Variants in ACAP2 observed in about 807,000 individuals in gnomAD.
ACAP2 encodes the protein arf-GAP with coiled-coil, ANK repeat and PH domain-containing protein 2.
A neutral mutation model predicts 115.8 loss-of-function variants in ACAP2; 39 were observed. The ratio of observed to expected loss-of-function variants is 0.34; its 90% CI spans 0.26 to 0.44. ACAP2 has a LOEUF of 0.44. Ranked by LOEUF, ACAP2 falls within the 20% of genes least tolerant of loss-of-function variation. ACAP2 has a pLI of 1.00. For synonymous variants in ACAP2, 289 were observed against 315.8 expected, an observed-to-expected ratio of 0.92 and a Z score of 0.90; for missense variants, 662 against 927.6, an observed-to-expected ratio of 0.71 and a Z score of 3.72.
rs530615198 is a variant in ACAP2 at position 195,407,920 on chromosome 3, A to AT, written c.54-15774dup. ...AATGACAAACCTTTAGCTCTACAGA[A>AT]TTTTTTTTAAAAAGAAGACTCAAAT... is the stretch of plus-strand genomic sequence containing the variant. On this transcript the variant is annotated intron_variant, in intron 1 of 22. Coordinates refer to ENST00000326793, the MANE Select transcript of ACAP2 (RefSeq NM_012287.6). Among the ~76,000 whole-genome samples the AT allele has an allele frequency of 1.6e-4, 24 of 152,234 alleles. No homozygotes were observed. The South Asian group carries it at 3.9e-3, about 25-fold the overall frequency.
intron 21 of ACAP2, among the ~76,000 whole-genome samples, chr3:195,287,597 T>C (rs1726928749): frequency 6.6e-6 from 1 of 152,100 alleles, no homozygotes; most frequent in African/African-American, 2.4e-5. Context: ...GGATTATGGG[T>C]GGGAGCACCT....
intron 14 of ACAP2, 22 bp downstream of exon 14, chr3:195,301,944 C>G: frequency 1.9e-6 from 3 of 1,602,630 alleles, no homozygotes; most frequent in Non-Finnish European, 2.6e-6. Context: ...AAGAAATTCT[C>G]ATCCTGGGCA....
chr3:195,324,864 G>A (rs977899775), intron 9 of ACAP2, among the ~76,000 whole-genome samples: 2 of 152,046 alleles, frequency 1.3e-5, no homozygotes, highest in African/African-American at 2.4e-5. Flanking sequence ...AGCATCAACC[G>A]TAAGACTGAT....
chr3:195,328,322 C>CA (rs1340129494), intron 8 of ACAP2, among the ~76,000 whole-genome samples: 3 of 151,658 alleles, frequency 2.0e-5, no homozygotes, highest in Admixed American at 2.0e-4. Context: ...AAGTCTTTTT[C>CA]AAAAAAACTA....
chr3:195,310,964 C>A (rs187768995), intron 10 of ACAP2, among the ~76,000 whole-genome samples: 1 of 151,854 alleles, frequency 6.6e-6, no homozygotes, highest in Non-Finnish European at 1.5e-5. Flanking sequence ...TCCTCCATTG[C>A]TATTATAAAT....
In ACAP2 at chr3:195,294,605, AAAAT is replaced by A. The variant is rs1163913395; in HGVS notation, c.1765+110_1765+113del. On this transcript the variant is annotated intron_variant, in intron 18 of 22. Transcript: ENST00000326793. ...AAAAAAAAAGAAGAAAAAAAAAAAA[AAAAT>A]TATATATATATATATATATATAATT... is the stretch of plus-strand genomic sequence containing the variant. 2,556 of 88,764 alleles carry A rather than the reference AAAAT, an allele frequency of 0.029. 92 individuals are homozygous for A. In the East Asian group the frequency reaches 0.31, roughly 11 times the overall value. 5.5% of individuals were successfully genotyped at this position (88,764 alleles called of 1,614,324 possible).
chr3:195,413,364 T>C (rs1713443349), intron 1 of ACAP2, among the ~76,000 whole-genome samples: 1 of 152,106 alleles, frequency 6.6e-6, no homozygotes, highest in Non-Finnish European at 1.5e-5. Flanking sequence ...CCAAAAAAAA[T>C]TATATGTATA....
chr3:195,291,464 G>A (rs1356175581), intron 20 of ACAP2, among the ~76,000 whole-genome samples: 2 of 152,144 alleles, frequency 1.3e-5, no homozygotes, highest in African/African-American at 4.8e-5. Context: ...TACTAAAACT[G>A]ATCTATTTAA....
chr3:195,390,961 A>G (rs1217550420), intron 2 of ACAP2, among the ~76,000 whole-genome samples: 1 of 152,176 alleles, frequency 6.6e-6, no homozygotes, highest in Non-Finnish European at 1.5e-5. Flanking sequence ...TTTCTTGGAC[A>G]GACACCAAAA....
intron 8 of ACAP2, among the ~76,000 whole-genome samples, chr3:195,330,486 A>T (rs1214327206): frequency 5.3e-5 from 8 of 152,124 alleles, no homozygotes; most frequent in Admixed American, 5.2e-4. Context: ...CTGCAATTCA[A>T]CTCATACTGC....
intron 1 of ACAP2, among the ~76,000 whole-genome samples, chr3:195,426,364 C>T (rs1341562293): frequency 1.3e-5 from 2 of 152,134 alleles, no homozygotes; most frequent in Non-Finnish European, 2.9e-5. Context: ...TGCATCATCA[C>T]CAATGAGTAT....
chr3:195,291,000 C>T (rs1275929723), intron 20 of ACAP2, among the ~76,000 whole-genome samples: 2 of 151,908 alleles, frequency 1.3e-5, no homozygotes, highest in Non-Finnish European at 2.9e-5. Flanking sequence ...GGCAACAGGG[C>T]GAGACCCTGT....
intron 18 of ACAP2, 138 bp from the exon 19 acceptor site, chr3:195,292,590 G>A: frequency 1.3e-6 from 1 of 790,614 alleles, no homozygotes; most frequent in South Asian, 1.9e-5. Context: ...GCACACTAAT[G>A]GGAATATACT....
At chr3:195,433,543 G>A (rs1394819358) in intron 1 of ACAP2, among the ~76,000 whole-genome samples, 1 of 152,158 alleles carries the variant, frequency 6.6e-6, no homozygotes, top group Non-Finnish European at 1.5e-5. Context: ...AAAGCTTTTA[G>A]TCCTTCACCA....
At position 195,406,931 on chromosome 3, in the gene ACAP2, T is replaced by C. The variant is rs145325411; in HGVS notation, c.54-14784A>G. Among the ~76,000 whole-genome samples the C allele has an allele frequency of 2.4e-4, 37 of 152,276 alleles. 2 individuals carry two copies. In the East Asian group the frequency reaches 6.7e-3, roughly 28 times the overall value. ...AACTACTAAAATTTTTGCAGACAGA[T>C]AGATTGGCTTAAATGCTTAAATATT... On this transcript the variant is annotated intron_variant, in intron 1 of 22. Transcript: ENST00000326793.
chr3:195,378,465 C>T (rs1396298058), intron 4 of ACAP2, among the ~76,000 whole-genome samples: 1 of 151,602 alleles, frequency 6.6e-6, no homozygotes, highest in Non-Finnish European at 1.5e-5. Flanking sequence ...GCACTCCAGC[C>T]TGGCAACAGA....
intron 4 of ACAP2, among the ~76,000 whole-genome samples, chr3:195,370,707 T>C (rs1160332658): frequency 6.6e-6 from 1 of 152,108 alleles, no homozygotes; most frequent in Non-Finnish European, 1.5e-5. Flanking sequence ...TCCCAACACT[T>C]TGGGAGGCCA....
intron 17 of ACAP2, chr3:195,295,330 A>T (rs1727570743): frequency 7.9e-7 from 1 of 1,260,358 alleles, no homozygotes; most frequent in Non-Finnish European, 1.0e-6. Context: ...CAAAGCACAA[A>T]GCAGGCCATA....
intron 1 of ACAP2, among the ~76,000 whole-genome samples, chr3:195,428,693 C>T (rs1276337238): frequency 6.6e-6 from 1 of 151,954 alleles, no homozygotes; most frequent in Non-Finnish European, 1.5e-5. Flanking sequence ...AAGATATTCT[C>T]GTCATTAAGT....
Sources: allele counts gnomAD v4.1 joint callset (sites outside exome capture counted in the v4.1 genomes callset), GRCh38; gene constraint gnomAD v4.1.1; transcripts MANE v1.5; gene names NCBI Gene and HGNC (gene_info 2026-07-23, HGNC 2026-07-21).